LOC400499: variants seen among roughly 807,000 people sequenced by gnomAD.
chr16:11,390,696 G>A, the LOC400499 span, among the ~76,000 whole-genome samples: 1 of 152,210 alleles, frequency 6.6e-6, no homozygotes, highest in Non-Finnish European at 1.5e-5. Context: ...CTTGGATTGG[G>A]GGAGGGTTCC....
chr16:11,429,364 C>T, the LOC400499 span, among the ~76,000 whole-genome samples: 3 of 152,132 alleles, frequency 2.0e-5, no homozygotes, highest in Non-Finnish European at 2.9e-5. Context: ...TATGAGCCAA[C>T]GTCTTTGTAA....
the LOC400499 span, chr16:11,412,830 G>C: frequency 2.5e-6 from 1 of 399,138 alleles, no homozygotes; most frequent in Non-Finnish European, 4.4e-6. Context: ...CCTCCTGGGG[G>C]CCCCCCTCAC....
chr16:11,457,542 G>A, the LOC400499 span, among the ~76,000 whole-genome samples: 2 of 145,840 alleles, frequency 1.4e-5, no homozygotes, highest in African/African-American at 2.6e-5. Flanking sequence ...GCAGTGAGCC[G>A]AGATCGCACC....
At chr16:11,455,989 T>C in the LOC400499 span, among the ~76,000 whole-genome samples, 2 of 151,188 alleles carry the variant, frequency 1.3e-5, no homozygotes, top group Non-Finnish European at 2.9e-5. Flanking sequence ...AAACAAGGTA[T>C]CGCTTCGATA....
the LOC400499 span, among the ~76,000 whole-genome samples, chr16:11,505,850 C>T: frequency 2.6e-5 from 4 of 152,126 alleles, no homozygotes; most frequent in African/African-American, 7.2e-5. Context: ...CGATATCCAT[C>T]ACCGTAACCA....
chr16:11,440,767 C>A, the LOC400499 span: 280 of 399,042 alleles, frequency 7.0e-4, 2 homozygotes, highest in African/African-American at 5.2e-3. Flanking sequence ...TGCATCCATG[C>A]CAAAGTTGAA....
the LOC400499 span, chr16:11,384,118 T>A: frequency 8.2e-7 from 1 of 1,222,496 alleles, no homozygotes; most frequent in South Asian, 4.2e-5. Context: ...CGAAGTCCTC[T>A]GCAGAGCCAT....
the LOC400499 span, chr16:11,446,438 G>A: frequency 2.0e-6 from 2 of 979,870 alleles, no homozygotes; most frequent in Admixed American, 4.2e-5. Context: ...GATTACAGGT[G>A]TGAGCCACTG....
the LOC400499 span, chr16:11,399,098 C>T: frequency 1.0e-5 from 5 of 499,700 alleles, no homozygotes; most frequent in African/African-American, 4.2e-5. Flanking sequence ...GAACAGTGCT[C>T]GGCCCCATGA....
At chr16:11,396,570 T>C in the LOC400499 span, 3 of 1,232,092 alleles carry the variant, frequency 2.4e-6, no homozygotes, top group Non-Finnish European at 2.0e-6. Flanking sequence ...AGGGTCAGGC[T>C]GAGATGCAGG....
At chr16:11,400,579 T>G in the LOC400499 span, among the ~76,000 whole-genome samples, 1 of 152,104 alleles carries the variant, frequency 6.6e-6, no homozygotes, top group Non-Finnish European at 1.5e-5. Context: ...CAGTTGGGAT[T>G]GCAGGCACAC....
the LOC400499 span, among the ~76,000 whole-genome samples, chr16:11,423,773 C>A: frequency 2.6e-5 from 4 of 152,320 alleles, no homozygotes; most frequent in African/African-American, 9.6e-5. Flanking sequence ...CAGGGAGGAA[C>A]TGAGAGACCA....
At chr16:11,498,519 A>AAATC in the LOC400499 span, among the ~76,000 whole-genome samples, 4 of 151,914 alleles carry the variant, frequency 2.6e-5, no homozygotes, top group Non-Finnish European at 5.9e-5. Context: ...ATAAATAAAT[A>AAATC]AAATTAATCC....
the LOC400499 span, among the ~76,000 whole-genome samples, chr16:11,408,531 C>T: frequency 6.9e-6 from 1 of 144,174 alleles, no homozygotes; most frequent in African/African-American, 2.6e-5. Flanking sequence ...GTGGTGTGAA[C>T]ACAGCTTACT....
the LOC400499 span, among the ~76,000 whole-genome samples, chr16:11,451,106 G>A: frequency 6.6e-6 from 1 of 152,202 alleles, no homozygotes; most frequent in Non-Finnish European, 1.5e-5. Flanking sequence ...TTAGGAGTGA[G>A]AGGTATCCAT....
At chr16:11,504,503 G>A in the LOC400499 span, among the ~76,000 whole-genome samples, 8 of 151,950 alleles carry the variant, frequency 5.3e-5, no homozygotes, top group East Asian at 1.9e-4. Flanking sequence ...GCAGTGAGCC[G>A]AGATTACGCC....
chr16:11,400,706 G>A, the LOC400499 span, among the ~76,000 whole-genome samples: 2 of 152,158 alleles, frequency 1.3e-5, no homozygotes, highest in African/African-American at 4.8e-5. Flanking sequence ...CTCCCTCAGT[G>A]CTGGGATTAC....
the LOC400499 span, among the ~76,000 whole-genome samples, chr16:11,422,827 G>A: frequency 2.6e-5 from 4 of 152,150 alleles, no homozygotes; most frequent in African/African-American, 9.7e-5. Context: ...AGCCCTGAGC[G>A]CCACGGTCCG....
the LOC400499 span, among the ~76,000 whole-genome samples, chr16:11,459,015 C>T: frequency 1.0e-4 from 15 of 150,562 alleles, no homozygotes; most frequent in East Asian, 3.9e-4. Context: ...CCAGCCTGGG[C>T]GACAGAGCGA....
Sources: gnomAD v4.1 joint callset for allele counts (sites outside exome capture counted in the v4.1 genomes callset) on GRCh38, gnomAD v4.1.1 for gene constraint, MANE v1.5 for transcripts.